Variants in CASK observed in about 807,000 individuals in gnomAD.
CASK encodes the protein calcium/calmodulin dependent serine protein kinase, also known as peripheral plasma membrane protein CASK.
In CASK, 4 loss-of-function variants were observed where a neutral mutation model predicts 82.9. The ratio of observed to expected loss-of-function variants is 0.05; its 90% confidence interval spans 0.02 to 0.11. CASK has a LOEUF of 0.11. CASK is among the 10% of genes least tolerant of loss of function. CASK has a pLI of 1.00. For missense variants in CASK, 358 were observed against 720.9 expected, an observed-to-expected ratio of 0.50 and a Z score of 5.76; for synonymous variants, 259 against 253.5, an observed-to-expected ratio of 1.02 and a Z score of -0.20.
At chrX:41,598,134 G>GACAC (rs757204318) in intron 12 of CASK, among the ~76,000 whole-genome samples, 1,699 of 99,904 alleles carry the variant, frequency 0.017, 28 homozygotes, top group African/African-American at 0.039. Context: ...CTGAGGCCCT[G>GACAC]ACACACACAC....
chrX:41,629,205 T>C (rs922667739), intron 9 of CASK, among the ~76,000 whole-genome samples: 1 of 111,412 alleles, frequency 9.0e-6, no homozygotes. Flanking sequence ...TCTCAAACTC[T>C]GGGGCTCAAG....
At chrX:41,688,914 AAG>A (rs1301087447) in intron 5 of CASK, 1 of 108,822 alleles carries the variant, frequency 9.2e-6, no homozygotes. Context: ...GAAAAAAAAA[AAG>A]AGGGGGAAAA....
chrX:41,686,714 T>G (rs2067448123), intron 5 of CASK, among the ~76,000 whole-genome samples: 1 of 111,916 alleles, frequency 8.9e-6, no homozygotes, highest in African/African-American at 3.2e-5. Context: ...TGAGTGTTTG[T>G]ATCCAGCAGT....
intron 1 of CASK, among the ~76,000 whole-genome samples, chrX:41,909,133 C>A (rs2072518561): frequency 8.9e-6 from 1 of 111,902 alleles, no homozygotes; most frequent in South Asian, 3.8e-4. Context: ...CCCAGGGCTT[C>A]TAATTCTGTA....
intron 8 of CASK, among the ~76,000 whole-genome samples, chrX:41,658,778 A>G (rs755657672): frequency 8.9e-6 from 1 of 111,761 alleles, no homozygotes; most frequent in Non-Finnish European, 1.9e-5. Flanking sequence ...TGACAGGCCA[A>G]GAAGAAGCCC....
At chrX:41,884,240 T>C (rs2072006757) in intron 1 of CASK, among the ~76,000 whole-genome samples, 2 of 111,907 alleles carry the variant, frequency 1.8e-5, no homozygotes, top group African/African-American at 6.5e-5. Flanking sequence ...TCCTTTTTGG[T>C]TGGGTGGGAA....
intron 3 of CASK, among the ~76,000 whole-genome samples, chrX:41,772,180 G>A (rs962103435): frequency 9.2e-6 from 1 of 108,244 alleles, no homozygotes; most frequent in Non-Finnish European, 1.9e-5. Flanking sequence ...GTGAAACCCC[G>A]TCTCTACTAA....
chrX:41,814,014 A>C (rs1009774517), intron 2 of CASK, among the ~76,000 whole-genome samples: 2 of 112,497 alleles, frequency 1.8e-5, no homozygotes, highest in African/African-American at 3.2e-5. Context: ...ACTGGCCATC[A>C]GAGAAATGCA....
intron 26 of CASK, 129 bp from the exon 27 acceptor site, chrX:41,520,725 C>T (rs2064625184): frequency 6.8e-6 from 4 of 587,527 alleles, no homozygotes; most frequent in Non-Finnish European, 1.1e-5. Context: ...CAGTCAAGGC[C>T]AGACCCTGAT....
chrX:41,889,161 A>AG (rs2072116225), intron 1 of CASK, among the ~76,000 whole-genome samples: 1 of 79,425 alleles, frequency 1.3e-5, no homozygotes, highest in Non-Finnish European at 2.9e-5. Context: ...GCTATCCTGG[A>AG]AAAAAAAAAA....
At chrX:41,853,626 G>A (rs970913678) in intron 1 of CASK, among the ~76,000 whole-genome samples, 1 of 111,140 alleles carries the variant, frequency 9.0e-6, no homozygotes, top group African/African-American at 3.3e-5. Context: ...AGCCATTCTT[G>A]ACACTTCCCT....
At chrX:41,772,465 C>T (rs1178821854) in intron 3 of CASK, among the ~76,000 whole-genome samples, 1 of 109,077 alleles carries the variant, frequency 9.2e-6, no homozygotes, top group Non-Finnish European at 1.9e-5. Flanking sequence ...CACAAATTAC[C>T]AGTATCAAGA....
At chrX:41,739,915 G>A (rs480680) in intron 4 of CASK, among the ~76,000 whole-genome samples, 19,061 of 111,502 alleles carry the variant, frequency 0.17, 1,463 homozygotes, top group Middle Eastern at 0.3. Flanking sequence ...CTATTTAGCT[G>A]TGAGGACAAA....
At position 41,634,002 on chromosome X, in the gene CASK, T is replaced by C. The variant is rs369578920; in HGVS notation, c.915+2576A>G. Among the ~76,000 whole-genome samples, 11 of 111,851 alleles carry C rather than the reference T, an allele frequency of 9.8e-5. No homozygotes were observed. The East Asian group carries it at 2.8e-3, about 28-fold the overall frequency. Reference sequence around the variant, plus strand: ...GTCTTGAACTCCTGAGCTCAAGCGATTTGCCCGCCTTGGCCTCCAAATGTA... The same window carrying C: ...GTCTTGAACTCCTGAGCTCAAGCGACTTGCCCGCCTTGGCCTCCAAATGTA... On this transcript the variant is annotated intron_variant, in intron 9 of 26. Coordinates refer to ENST00000378163, the MANE Select transcript of CASK (RefSeq NM_001367721.1).
chrX:41,697,332 T>C (rs983009542), intron 5 of CASK: 2 of 122,550 alleles, frequency 1.6e-5, no homozygotes, highest in Admixed American at 9.5e-5. Context: ...AAATACTGTA[T>C]AGTAAAAATT....
At chrX:41,599,921 C>T (rs762939307) in intron 12 of CASK, among the ~76,000 whole-genome samples, 7 of 111,805 alleles carry the variant, frequency 6.3e-5, no homozygotes, top group African/African-American at 1.6e-4. Context: ...TTCTGAAATA[C>T]GGTACTTTTT....
intron 5 of CASK, chrX:41,696,503 T>A: frequency 8.3e-7 from 1 of 1,209,448 alleles, no homozygotes; most frequent in Non-Finnish European, 1.1e-6. Flanking sequence ...TCATCTACAT[T>A]TCTTCACAGC....
intron 2 of CASK, among the ~76,000 whole-genome samples, chrX:41,839,870 G>C (rs1367070937): frequency 8.9e-6 from 1 of 111,819 alleles, no homozygotes; most frequent in Non-Finnish European, 1.9e-5. Flanking sequence ...CTTTGTCAAA[G>C]ATCTATTGAC....
At chrX:41,665,923 A>G (rs2067109740) in intron 6 of CASK, 1 of 113,724 alleles carries the variant, frequency 8.8e-6, no homozygotes, top group South Asian at 3.7e-4. Flanking sequence ...ATGAGAAAAA[A>G]ATCGGTGGAA....
Sources: gnomAD v4.1 joint callset for allele counts (sites outside exome capture counted in the v4.1 genomes callset) on GRCh38, gnomAD v4.1.1 for gene constraint, MANE v1.5 for transcripts, NCBI Gene and HGNC (gene_info 2026-07-23, HGNC 2026-07-21) for gene names.